Variants in TRMT11 observed in about 807,000 individuals in gnomAD.
TRMT11 encodes the protein tRNA methyltransferase 11, also known as tRNA (guanine(10)-N(2))-methyltransferase TRMT11.
TRMT11 carries 53 observed loss-of-function variants against 62.8 expected under a neutral mutation model. That is an observed-to-expected ratio of 0.84 (90% confidence interval 0.68 to 1.06). The LOEUF is 1.06. Ranked by LOEUF, TRMT11 falls within the 50% of genes least tolerant of loss-of-function variation. TRMT11 has a pLI of 0.00. For synonymous variants in TRMT11, 188 were observed against 190.3 expected, an observed-to-expected ratio of 0.99 and a Z score of 0.10; for missense variants, 556 against 553.4, an observed-to-expected ratio of 1.00 and a Z score of -0.05.
chr6:126,081,772 T>C (rs1247477591), intron 17 of TRMT11, among the ~76,000 whole-genome samples: 7 of 152,086 alleles, frequency 4.6e-5, no homozygotes, highest in Non-Finnish European at 1.0e-4. Context: ...CCTGCAGCAA[T>C]TCCAGCTTCA....
At chr6:126,038,605 A>G in intron 12 of TRMT11, 100 bp from the exon 13 acceptor site, 2 of 949,978 alleles carry the variant, frequency 2.1e-6, no homozygotes, top group Admixed American at 5.3e-5. Flanking sequence ...TGCACTAGAG[A>G]GTGAGATTTT....
At chr6:126,271,485 T>TTATA in the TRMT11 span, among the ~76,000 whole-genome samples, 60 of 147,076 alleles carry the variant, frequency 4.1e-4, no homozygotes, top group African/African-American at 1.2e-3. Context: ...CCCAAATGGT[T>TTATA]TATATATATA....
Position 126,012,825 on chromosome 6 carries a change from C to T in TRMT11, c.980C>T (p.Pro327Leu). The stretch of plus-strand genomic sequence containing the variant: ...AGAACAGGTTCACAGAAGGAGATAC[C>T]AAAGGGGATAGAAAAATGGGAAAAA... ...TRRTGSQKEI[P>L]KGIEKWEKCP... Residue 327 changes from proline (P) to leucine (L), a missense_variant, in exon 10 of 13, where the codon CCA (proline) becomes CTA (leucine). Coordinates refer to ENST00000334379, the MANE Select transcript of TRMT11 (RefSeq NM_001031712.3). 6.2e-7 allele frequency: 1 copy of T among 1,613,594 alleles called. No homozygotes were observed. The highest frequency in any genetic ancestry group is 8.5e-7 in the Non-Finnish European group (1 of 1,179,656).
At chr6:126,081,241 C>A (rs1436195456) in intron 17 of TRMT11, among the ~76,000 whole-genome samples, 1 of 152,126 alleles carries the variant, frequency 6.6e-6, no homozygotes, top group African/African-American at 2.4e-5. Flanking sequence ...TAGCTAGTGA[C>A]CTGAAAAATG....
intron 21 of TRMT11, among the ~76,000 whole-genome samples, chr6:126,116,986 A>G (rs993188269): frequency 1.8e-4 from 28 of 152,102 alleles, no homozygotes; most frequent in Non-Finnish European, 5.9e-5. Context: ...GTATACAACA[A>G]TGTAAAGAAA....
At chr6:126,073,497 G>T (rs1274673484) in intron 17 of TRMT11, among the ~76,000 whole-genome samples, 1 of 151,942 alleles carries the variant, frequency 6.6e-6, no homozygotes, top group East Asian at 1.9e-4. Flanking sequence ...GGGAAATTAT[G>T]TGTGACCCAC....
chr6:126,040,502 C>T (rs968752892), downstream of TRMT11, among the ~76,000 whole-genome samples: 34 of 152,148 alleles, frequency 2.2e-4, no homozygotes, highest in African/African-American at 7.0e-4. Context: ...CTTATTTTAA[C>T]GAGAGAGTTT....
rs1446479878 is a variant in TRMT11 at position 126,046,736 on chromosome 6, TA to T, written c.*1369+5893del. ...ACTGATAGGGTTTGGGCAAGGTTCA[TA>T]ATAGGAAAGGAAAGTTAACATGACC... is the stretch of plus-strand genomic sequence containing the variant. On this transcript the variant is annotated intron_variant and NMD_transcript_variant, in intron 16 of 22. Transcript: ENST00000648977. Among the ~76,000 whole-genome samples, 7 of 152,238 alleles carry T rather than the reference TA, an allele frequency of 4.6e-5. No individual in the cohort carries two copies. In the East Asian group the frequency reaches 1.4e-3, roughly 29 times the overall value.
At chr6:126,084,642 CA>C (rs1777195130) in intron 17 of TRMT11, among the ~76,000 whole-genome samples, 1 of 152,084 alleles carries the variant, frequency 6.6e-6, no homozygotes, top group Non-Finnish European at 1.5e-5. Flanking sequence ...TTGCCAAGGC[CA>C]ATGTCCAAGA....
intron 1 of TRMT11, among the ~76,000 whole-genome samples, chr6:126,188,806 A>C (rs961748129): frequency 2.0e-5 from 3 of 152,152 alleles, no homozygotes; most frequent in African/African-American, 4.8e-5. Context: ...AACCAATTTC[A>C]AAATAAATCT....
chr6:126,065,341 G>C (rs1343195322), intron 17 of TRMT11, among the ~76,000 whole-genome samples: 1 of 152,080 alleles, frequency 6.6e-6, no homozygotes, highest in Non-Finnish European at 1.5e-5. Context: ...AGTGGGAGCT[G>C]AGTCCTGCAG....
rs559797332 is a variant in TRMT11 at position 126,104,980 on chromosome 6, T to C, written c.*1438-7886T>C. Among the ~76,000 whole-genome samples the C allele has an allele frequency of 6.6e-4, 101 of 152,362 alleles. 3 individuals are homozygous for C. In the South Asian group the frequency reaches 0.021, roughly 31 times the overall value. ...TACATGTTTTATGGGGCCTTTCTCC[T>C]GTGACTCATTTTTGGAGCTGATCCG... is the stretch of plus-strand genomic sequence containing the variant. On this transcript the variant is annotated intron_variant and NMD_transcript_variant, in intron 17 of 22. Transcript: ENST00000648977.
intron 12 of TRMT11, among the ~76,000 whole-genome samples, chr6:126,034,083 G>A (rs1192573485): frequency 6.6e-6 from 1 of 151,952 alleles, no homozygotes; most frequent in Non-Finnish European, 1.5e-5. Context: ...AATCCACCAT[G>A]TGGGAAATTA....
At chr6:126,177,160 A>T (rs1007645159), upstream of TRMT11, 2 of 152,188 alleles carry the variant, frequency 1.3e-5, no homozygotes, top group Non-Finnish European at 2.9e-5. Context: ...TTAAAGTATG[A>T]ATACCATTGG....
At chr6:126,249,476 C>A in the TRMT11 span, among the ~76,000 whole-genome samples, 3 of 152,128 alleles carry the variant, frequency 2.0e-5, no homozygotes, top group East Asian at 1.9e-4. Flanking sequence ...TGGATATTTT[C>A]TTGTTTTTTG....
chr6:126,002,548 A>G (rs1443796340), intron 7 of TRMT11, among the ~76,000 whole-genome samples: 1 of 152,176 alleles, frequency 6.6e-6, no homozygotes, highest in African/African-American at 2.4e-5. Context: ...AGTAAAGTCA[A>G]ATACTGTGCC....
the TRMT11 span, among the ~76,000 whole-genome samples, chr6:126,236,236 A>C: frequency 6.6e-6 from 1 of 152,182 alleles, no homozygotes. Context: ...ACCTTTCACT[A>C]TCTTGCTTGG....
chr6:126,012,989 GT>G lies in TRMT11; in HGVS notation c.1030del (p.Ser344ProfsTer2). On this transcript the variant is annotated frameshift_variant, in exon 11 of 13. Transcript: ENST00000334379. LOFTEE classifies it high-confidence loss of function. ...WEKCPESHVP[V>X]SLSYHLSDMF... is the part of the protein sequence containing the mutation. ...GTGTAGTCCAGAAAGCCATGTTCCT[GT>G]TTCCTTGAGTTATCATCTGAGTGAT... The G allele has an allele frequency of 6.2e-7, 1 of 1,613,048 alleles. No individual in the cohort carries two copies. Among genetic ancestry groups the G allele is most frequent in the Non-Finnish European group, 8.5e-7 (1 of 1,179,438 alleles).
At chr6:126,129,946 C>T (rs968831596) in intron 21 of TRMT11, among the ~76,000 whole-genome samples, 7 of 152,102 alleles carry the variant, frequency 4.6e-5, no homozygotes, top group Non-Finnish European at 1.0e-4. Flanking sequence ...CGGTGTTTGC[C>T]ATTTCCATGC....
Sources: allele counts gnomAD v4.1 joint callset (sites outside exome capture counted in the v4.1 genomes callset), GRCh38; gene constraint gnomAD v4.1.1; transcripts MANE v1.5; gene names NCBI Gene and HGNC (gene_info 2026-07-23, HGNC 2026-07-21).